LBP: variants seen among roughly 807,000 people sequenced by gnomAD.
The protein encoded by LBP is lipopolysaccharide-binding protein.
In LBP, 53 loss-of-function variants were observed where a neutral mutation model predicts 56.6. The observed-to-expected ratio is 0.94, with a 90% CI of 0.75 to 1.18. The LOEUF (loss-of-function observed/expected upper bound fraction) is 1.18. Ranked by LOEUF, LBP falls within the 50% of genes most tolerant of loss-of-function variation. The probability of loss-of-function intolerance (pLI) is 0.00; values close to 1 mark genes in which losing one functional copy is unlikely to be tolerated. For synonymous variants in LBP, 227 were observed against 247.5 expected, an observed-to-expected ratio of 0.92 and a Z score of 0.78; for missense variants, 601 against 598.3, an observed-to-expected ratio of 1.00 and a Z score of -0.05.
In LBP at chr20:38,364,584, C is replaced by A; in HGVS notation, c.753C>A (p.Ile251=). 2 of 1,614,046 alleles carry A rather than the reference C, an allele frequency of 1.2e-6. No individual in the cohort carries two copies. The highest frequency in any genetic ancestry group is 1.1e-5 in the South Asian group (1 of 91,054). ...QMLEVMFKGE[I]FHRNHRSPVT... ...CCTATTTCCCTCTCCAGGGTGAAATCTTTCATCGTAACCACCGTTCTCCAG... is the reference window on the plus strand; with the variant it reads ...CCTATTTCCCTCTCCAGGGTGAAATATTTCATCGTAACCACCGTTCTCCAG... Residue 251 remains isoleucine (I), a synonymous_variant, in exon 8 of 15, where the codon ATC becomes ATA. Coordinates refer to ENST00000217407, the MANE Select transcript of LBP (RefSeq NM_004139.5).
intron 7 of LBP, 36 bp downstream of exon 7, chr20:38,364,102 T>G (rs756951851): frequency 5.2e-5 from 74 of 1,436,634 alleles, no homozygotes; most frequent in Middle Eastern, 1.8e-4. Flanking sequence ...TGGGTGAGGC[T>G]TTCCCTCAGG....
intron 14 of LBP, among the ~76,000 whole-genome samples, chr20:38,374,950 A>ATTTTTTTT (rs370110558): frequency 0.012 from 1,584 of 126,942 alleles, 34 homozygotes; most frequent in African/African-American, 0.035. Flanking sequence ...CTCCCAGCTA[A>ATTTTTTTT]TTTTTTTTTT....
intron 12 of LBP, among the ~76,000 whole-genome samples, chr20:38,371,775 C>T (rs1372682766): frequency 6.6e-6 from 1 of 151,778 alleles, no homozygotes; most frequent in Non-Finnish European, 1.5e-5. Context: ...CAATTGGTAG[C>T]AAGCCCCAGA....
At chr20:38,365,740 A>T (rs1199857969) in intron 8 of LBP, among the ~76,000 whole-genome samples, 1 of 144,166 alleles carries the variant, frequency 6.9e-6, no homozygotes, top group Non-Finnish European at 1.5e-5. Context: ...ATATATATAT[A>T]TATATTTATA....
chr20:38,372,780 G>C (rs2076905044), intron 12 of LBP, among the ~76,000 whole-genome samples: 1 of 152,064 alleles, frequency 6.6e-6, no homozygotes. Flanking sequence ...TATGTAGGTA[G>C]TTCAGGAAAA....
Position 38,364,080 on chromosome 20 carries a change from G to A in LBP, c.744+14G>A, listed in dbSNP as rs774026487. On this transcript the variant is annotated intron_variant, in intron 7 of 14. Coordinates refer to ENST00000217407, the MANE Select transcript of LBP (RefSeq NM_004139.5). ...GTGATGTTTAAGGTGAGGGTCCTGGGGCCGGGCTGCGTGGGTGAGGCTTTC... is the reference window on the plus strand; with the variant it reads ...GTGATGTTTAAGGTGAGGGTCCTGGAGCCGGGCTGCGTGGGTGAGGCTTTC... The A allele has an allele frequency of 6.3e-7, 1 of 1,591,774 alleles. No homozygotes were observed. Among genetic ancestry groups the A allele is most frequent in the Non-Finnish European group, 8.6e-7 (1 of 1,159,778 alleles).
chr20:38,356,919 G>A (rs1338088377), intron 5 of LBP, among the ~76,000 whole-genome samples: 3 of 151,802 alleles, frequency 2.0e-5, no homozygotes, highest in South Asian at 2.1e-4. Context: ...GCAGTGGCGC[G>A]ACCTTGGCTC....
Position 38,360,703 on chromosome 20 carries a change from G to C in LBP, c.589-1G>C. 6.2e-7 allele frequency: 1 copy of C among 1,611,474 alleles called. No individual in the cohort carries two copies. The highest frequency in any genetic ancestry group is 8.5e-7 in the Non-Finnish European group (1 of 1,177,708). On this transcript the variant is annotated splice_acceptor_variant, in intron 5 of 14. Coordinates refer to ENST00000217407, the MANE Select transcript of LBP (RefSeq NM_004139.5). LOFTEE classifies it high-confidence loss of function. ...AGTCATTCTCTTCCCATGTTTTTCA[G>C]ATTTGCGAAATGATCCAGAAATCAG...
At chr20:38,371,241 T>C in intron 11 of LBP, 39 bp from the exon 12 acceptor site, 1 of 1,590,648 alleles carries the variant, frequency 6.3e-7, no homozygotes, top group Non-Finnish European at 8.6e-7. Context: ...TAAACTTGCA[T>C]AAAGCCCACA....
Position 38,349,675 on chromosome 20 carries a change from CT to C in LBP, c.239+15del. 1 of 1,553,748 alleles carries C rather than the reference CT, an allele frequency of 6.4e-7. No individual in the cohort carries two copies. The highest frequency in any genetic ancestry group is 8.8e-7 in the Non-Finnish European group (1 of 1,137,240). On this transcript the variant is annotated intron_variant, in intron 2 of 14. Coordinates refer to ENST00000217407, the MANE Select transcript of LBP (RefSeq NM_004139.5). ...ATGAGTTCCACAGGTGGGGCTCTCC[CT>C]TCTGCTGCGGCTCTGAAGTGGCTGG...
intron 3 of LBP, among the ~76,000 whole-genome samples, chr20:38,351,265 C>G (rs1295124970): frequency 6.6e-6 from 1 of 152,182 alleles, no homozygotes; most frequent in Non-Finnish European, 1.5e-5. Context: ...AATACTTTAT[C>G]TTGGAAGCGA....
chr20:38,364,534 T>C (rs761793556), intron 7 of LBP, 42 bp from the exon 8 acceptor site: 5 of 1,603,472 alleles, frequency 3.1e-6, no homozygotes, highest in South Asian at 1.1e-5. Context: ...TGCCCCACGA[T>C]AGGCTTTGAA....
chr20:38,350,392 C>A (rs909330546), intron 2 of LBP, among the ~76,000 whole-genome samples: 1 of 152,174 alleles, frequency 6.6e-6, no homozygotes, highest in African/African-American at 2.4e-5. Flanking sequence ...CACCATCTTC[C>A]CTGAATCTGT....
intron 14 of LBP, among the ~76,000 whole-genome samples, chr20:38,375,462 T>C (rs6064469): frequency 0.11 from 16,498 of 151,752 alleles, 956 homozygotes; most frequent in South Asian, 0.15. Context: ...GCACCTGTAA[T>C]CCCAGCTACT....
intron 3 of LBP, among the ~76,000 whole-genome samples, chr20:38,351,434 C>T (rs2076820148): frequency 6.6e-6 from 1 of 152,094 alleles, no homozygotes; most frequent in African/African-American, 2.4e-5. Flanking sequence ...ACCCCGTCCT[C>T]CTGCTTGCCA....
At chr20:38,359,194 AG>A (rs1325104124) in intron 5 of LBP, among the ~76,000 whole-genome samples, 8 of 152,026 alleles carry the variant, frequency 5.3e-5, no homozygotes, top group African/African-American at 1.9e-4. Flanking sequence ...TTGCTTTTAG[AG>A]GGGTTTTTTT....
chr20:38,360,061 G>A (rs1181861477), intron 5 of LBP, among the ~76,000 whole-genome samples: 1 of 152,094 alleles, frequency 6.6e-6, no homozygotes, highest in East Asian at 1.9e-4. Flanking sequence ...AGACCAGCCT[G>A]GCCAACATGG....
intron 12 of LBP, among the ~76,000 whole-genome samples, chr20:38,371,681 G>A (rs1443062666): frequency 6.6e-6 from 1 of 152,192 alleles, no homozygotes; most frequent in Non-Finnish European, 1.5e-5. Flanking sequence ...GGATCCAGGT[G>A]TTCTAATTAG....
chr20:38,353,633 G>C (rs2076828389), intron 3 of LBP, among the ~76,000 whole-genome samples: 1 of 151,998 alleles, frequency 6.6e-6, no homozygotes, highest in South Asian at 2.1e-4. Context: ...AGAACGAGGA[G>C]AGATCTCACT....
Sources: gnomAD v4.1 joint callset for allele counts (sites outside exome capture counted in the v4.1 genomes callset) on GRCh38, gnomAD v4.1.1 for gene constraint, MANE v1.5 for transcripts, NCBI Gene and HGNC (gene_info 2026-07-23, HGNC 2026-07-21) for gene names.